Variants in MET observed in about 807,000 individuals in gnomAD.
The protein encoded by MET is hepatocyte growth factor receptor.
MET carries 48 observed loss-of-function variants against 133.1 expected under a neutral mutation model. The observed-to-expected ratio is 0.36, with a 90% confidence interval of 0.29 to 0.46. The LOEUF (loss-of-function observed/expected upper bound fraction) is 0.46, where lower values mean the gene tolerates loss of function less well. Ranked by LOEUF, MET falls within the 20% of genes least tolerant of loss-of-function variation. The probability of loss-of-function intolerance (pLI) is 1.00; values close to 1 mark genes in which losing one functional copy is unlikely to be tolerated. For missense variants in MET, 1,442 were observed against 1,695.9 expected, an observed-to-expected ratio of 0.85 and a Z score of 2.63; for synonymous variants, 628 against 616.5, an observed-to-expected ratio of 1.02 and a Z score of -0.28.
chr7:116,755,501 G>T lies in MET; in HGVS notation c.1848G>T (p.Glu616Asp). 1 of 1,614,116 alleles carries T rather than the reference G, an allele frequency of 6.2e-7. No homozygotes were observed. Among genetic ancestry groups the T allele is most frequent in the Non-Finnish European group, 8.5e-7 (1 of 1,179,994 alleles). The change falls in exon 6 of 21, where the codon GAG becomes GAT. Residue 616 changes from glutamate to aspartate, a missense_variant. Glu to Asp is a conservative substitution (Grantham distance 45). This residue lies in a region of MET where 762 missense variants were observed against 792.4 expected (regional missense o/e 0.96). Coordinates refer to ENST00000397752, the MANE Select transcript of MET (RefSeq NM_000245.4). The part of the protein sequence containing the change: ...GNESCTLTLS[E>D]STMNTLKCTV... The stretch of plus-strand genomic sequence containing the variant: ...AGAGCTGCACCTTGACTTTAAGTGA[G>T]AGCACGATGAATACGTAAGGATCTT...
intron 2 of MET, among the ~76,000 whole-genome samples, chr7:116,702,874 G>A (rs1356255068): frequency 3.3e-5 from 5 of 152,090 alleles, no homozygotes; most frequent in African/African-American, 4.8e-5. Context: ...CACAAGATCA[G>A]ATAATGGGAG....
intron 19 of MET, among the ~76,000 whole-genome samples, chr7:116,792,502 C>CACACACACACACACACA (rs1795540633): frequency 7.6e-6 from 1 of 132,388 alleles, no homozygotes; most frequent in Non-Finnish European, 1.6e-5. Flanking sequence ...CACACACACA[C>CACACACACACACACACA]CAGCTTCTCT....
chr7:116,730,035 G>A (rs1792941826), intron 2 of MET, among the ~76,000 whole-genome samples: 1 of 152,138 alleles, frequency 6.6e-6, no homozygotes, highest in Admixed American at 6.5e-5. Context: ...GTTGCAGCTT[G>A]TAACTATGTT....
chr7:116,712,090 C>T (rs1490747391), intron 2 of MET, among the ~76,000 whole-genome samples: 2 of 152,194 alleles, frequency 1.3e-5, no homozygotes, highest in Admixed American at 1.3e-4. Context: ...TACACGCAAC[C>T]TGTCATTCTT....
chr7:116,694,771 C>T (rs752678356), intron 1 of MET, among the ~76,000 whole-genome samples: 1 of 152,152 alleles, frequency 6.6e-6, no homozygotes, highest in African/African-American at 2.4e-5. Context: ...ACTGCAACCT[C>T]CAATTCCCTG....
In MET at chr7:116,724,792, G is replaced by C. The variant is rs1479175339; in HGVS notation, c.1201-6876G>C. 17 of 1,286,780 alleles carry C rather than the reference G, an allele frequency of 1.3e-5. No individual in the cohort carries two copies. The Admixed American group carries it at 3.7e-4, about 28-fold the overall frequency. The allele number at this position is 1,286,780 out of a possible 1,614,324, so 79.7% of individuals were successfully genotyped here. On this transcript the variant is annotated intron_variant, in intron 2 of 20. Coordinates refer to ENST00000397752, the MANE Select transcript of MET (RefSeq NM_000245.4). ...TACAGGCAGAAAATGTGCTAGATTG[G>C]AGGTGAAGACCCTGGAGCCAGAGAG...
chr7:116,685,699 T>C (rs1305852593), intron 1 of MET, among the ~76,000 whole-genome samples: 3 of 151,612 alleles, frequency 2.0e-5, no homozygotes, highest in African/African-American at 7.3e-5. Context: ...AAAATAAAAA[T>C]AAAAAAACCT....
At chr7:116,710,440 C>A (rs1010622850) in intron 2 of MET, among the ~76,000 whole-genome samples, 7 of 152,144 alleles carry the variant, frequency 4.6e-5, no homozygotes, top group African/African-American at 1.7e-4. Context: ...CTGAGATTTT[C>A]TGTCTAGATT....
intron 10 of MET, among the ~76,000 whole-genome samples, chr7:116,760,315 A>G (rs150814384): frequency 3.9e-3 from 599 of 152,294 alleles, no homozygotes; most frequent in Non-Finnish European, 6.3e-3. Flanking sequence ...AAGAGCTAAC[A>G]AAGAAAGAGC....
intron 5 of MET, among the ~76,000 whole-genome samples, chr7:116,742,783 A>G (rs1322992542): frequency 1.3e-5 from 2 of 152,248 alleles, no homozygotes; most frequent in African/African-American, 2.4e-5. Flanking sequence ...GCGTGCTACC[A>G]TGCACAAGTC....
rs186553329 is a variant in MET, at chr7:116,694,217, C to A, written c.-14-4854C>A. 3.8e-4 allele frequency among the ~76,000 whole-genome samples: 58 copies of A among 152,188 alleles called. 1 individual carries two copies. Among genetic ancestry groups the A allele is most frequent in the Admixed American group, 3.7e-3 (56 of 15,288 alleles). On this transcript the variant is annotated intron_variant, in intron 1 of 20. Coordinates refer to ENST00000397752, the MANE Select transcript of MET (RefSeq NM_000245.4). The stretch of plus-strand genomic sequence containing the variant: ...ACACACCTTTGTTAATGGGGAAGGG[C>A]CTTTATTAATGGGAATGATCAAGGA...
chr7:116,794,210 A>G (rs1795602985), intron 19 of MET, among the ~76,000 whole-genome samples: 1 of 152,086 alleles, frequency 6.6e-6, no homozygotes, highest in East Asian at 1.9e-4. Context: ...CCTGGGACCT[A>G]TCTAGTAACT....
intron 2 of MET, among the ~76,000 whole-genome samples, chr7:116,722,955 G>T (rs1452722843): frequency 6.7e-6 from 1 of 148,412 alleles, no homozygotes; most frequent in Non-Finnish European, 1.5e-5. Flanking sequence ...TGACAATTAT[G>T]TGTCTTGGAG....
chr7:116,680,853 G>T (rs1203330972), intron 1 of MET, among the ~76,000 whole-genome samples: 1 of 151,982 alleles, frequency 6.6e-6, no homozygotes, highest in Admixed American at 6.6e-5. Flanking sequence ...GAGGTGGGAG[G>T]ATCACCTGAG....
intron 11 of MET, among the ~76,000 whole-genome samples, chr7:116,769,327 C>A (rs1472133668): frequency 6.6e-6 from 1 of 152,158 alleles, no homozygotes; most frequent in Non-Finnish European, 1.5e-5. Context: ...TTGATACCCC[C>A]TGAGGACAAT....
chr7:116,782,238 A>G, intron 18 of MET, 141 bp downstream of exon 18: 1 of 713,152 alleles, frequency 1.4e-6, no homozygotes, highest in South Asian at 1.5e-5. Flanking sequence ...ATCGATGTGT[A>G]AGCCCTGGGG....
rs1791473262 is a variant in MET, at chr7:116,699,376, T to C, written c.292T>C (p.Cys98Arg). ...GCTGGAACACCCAGATTGTTTCCCA[T>C]GTCAGGACTGCAGCAGCAAAGCCAA... ...PVLEHPDCFP[C>R]QDCSSKANLS... is the part of the protein sequence containing the mutation. Residue 98 changes from cysteine to arginine, a missense_variant, in exon 2 of 21, where the codon TGT (cysteine) becomes CGT (arginine). Transcript: ENST00000397752. 13 of 1,614,054 alleles carry C rather than the reference T, an allele frequency of 8.1e-6. No individual in the cohort carries two copies. The highest frequency in any genetic ancestry group is 1.1e-5 in the Non-Finnish European group (13 of 1,179,954).
At chr7:116,747,272 A>G (rs1793729270) in intron 5 of MET, among the ~76,000 whole-genome samples, 1 of 152,194 alleles carries the variant, frequency 6.6e-6, no homozygotes, top group African/African-American at 2.4e-5. Context: ...ATTCACACAT[A>G]ACACTATTAA....
chr7:116,690,287 T>A (rs1224833848), intron 1 of MET, among the ~76,000 whole-genome samples: 1 of 152,126 alleles, frequency 6.6e-6, no homozygotes. Flanking sequence ...GAGATGTATA[T>A]CATTATCCCC....
Sources: gnomAD v4.1 joint callset for allele counts (sites outside exome capture counted in the v4.1 genomes callset) on GRCh38, gnomAD v4.1.1 for gene constraint, gnomAD v4.1.1 regional missense constraint, MANE v1.5 for transcripts, NCBI Gene and HGNC (gene_info 2026-07-23, HGNC 2026-07-21) for gene names.